The following IPO11 variants were observed in gnomAD, a reference collection of about 807,000 sequenced individuals.
IPO11 encodes the protein importin 11, also known as importin-11.
IPO11 carries 66 observed loss-of-function variants against 143.2 expected under a neutral mutation model. The ratio of observed to expected loss-of-function variants is 0.46; its 90% CI spans 0.38 to 0.57. IPO11 has a LOEUF of 0.57. Among genes scored for constraint, IPO11 ranks in the 20% least tolerant of loss-of-function variants. The pLI is 0.00. For synonymous variants in IPO11, 385 were observed against 377.8 expected, an observed-to-expected ratio of 1.02 and a Z score of -0.22; for missense variants, 1,026 against 1,141.0, an observed-to-expected ratio of 0.90 and a Z score of 1.45.
chr5:62,525,462 C>A (rs1330501703), intron 20 of IPO11, among the ~76,000 whole-genome samples: 1 of 151,694 alleles, frequency 6.6e-6, no homozygotes, highest in African/African-American at 2.4e-5. Flanking sequence ...TCACTGACTG[C>A]AGCCTTGAAT....
intron 1 of IPO11, among the ~76,000 whole-genome samples, chr5:62,415,067 A>G (rs185324582): frequency 3.1e-4 from 47 of 152,336 alleles, no homozygotes; most frequent in Non-Finnish European, 4.6e-4. Flanking sequence ...TGTTCATTCA[A>G]TAACAAACGT....
chr5:62,477,120 A>C (rs1460017725), intron 9 of IPO11, among the ~76,000 whole-genome samples: 1 of 152,234 alleles, frequency 6.6e-6, no homozygotes, highest in Non-Finnish European at 1.5e-5. Flanking sequence ...AAGTCAGTAT[A>C]TTCAGAATGA....
chr5:62,424,870 G>A (rs2112103624), intron 1 of IPO11, among the ~76,000 whole-genome samples: 1 of 152,170 alleles, frequency 6.6e-6, no homozygotes, highest in South Asian at 2.1e-4. Flanking sequence ...GCTAGACATT[G>A]CCTTTATTAT....
At chr5:62,418,064 C>T (rs1279594545) in intron 1 of IPO11, among the ~76,000 whole-genome samples, 1 of 152,200 alleles carries the variant, frequency 6.6e-6, no homozygotes, top group Non-Finnish European at 1.5e-5. Context: ...AATCTCGTCT[C>T]ACCGCAACCT....
At chr5:62,419,213 C>T (rs152208) in intron 1 of IPO11, 594,017 of 1,428,150 alleles carry the variant, frequency 0.42, 124,187 homozygotes, top group East Asian at 0.6. Context: ...TACATCTGTA[C>T]AGGGCACTTA....
intron 27 of IPO11, among the ~76,000 whole-genome samples, chr5:62,567,605 C>T (rs531019765): frequency 8.9e-4 from 130 of 145,252 alleles, no homozygotes; most frequent in African/African-American, 3.2e-3. Flanking sequence ...TCTTGTTGCC[C>T]AGGCTGCAGT....
At chr5:62,418,155 C>T (rs1743369171) in intron 1 of IPO11, among the ~76,000 whole-genome samples, 1 of 146,840 alleles carries the variant, frequency 6.8e-6, no homozygotes, top group Non-Finnish European at 1.5e-5. Flanking sequence ...CATGCCCACG[C>T]CTGCCTAGTT....
In IPO11 at chr5:62,601,790, A is replaced by G; in HGVS notation, c.2705A>G (p.Glu902Gly). 6.3e-7 allele frequency: 1 copy of G among 1,593,072 alleles called. No homozygotes were observed. The highest frequency in any genetic ancestry group is 8.6e-7 in the Non-Finnish European group (1 of 1,169,348). Residue 902 changes from glutamate to glycine, a missense_variant, in exon 29 of 30, where the codon GAA becomes GGA. Physicochemically the swap from Glu to Gly is moderately conservative, Grantham distance 98 (BLOSUM62 -2). This residue lies in a region of IPO11 where 351 missense variants were observed against 358.9 expected (regional missense o/e 0.98). Coordinates refer to ENST00000325324, the MANE Select transcript of IPO11 (RefSeq NM_016338.5). ...TGTATGTTGATGTCTCATCTTGAGG[A>G]ACCAAAAGTAACAGAAGATGAAGAA... is the stretch of plus-strand genomic sequence containing the variant. ...KDCMLMSHLE[E>G]PKVTEDEEPP...
intron 29 of IPO11, among the ~76,000 whole-genome samples, chr5:62,607,456 A>G (rs915362275): frequency 6.6e-6 from 1 of 152,094 alleles, no homozygotes; most frequent in Non-Finnish European, 1.5e-5. Flanking sequence ...TTGCTTCTAG[A>G]AAACCTCAGC....
chr5:62,581,115 A>C lies in IPO11; in HGVS notation c.2583-10462A>C, dbSNP rs1478842962. Reference sequence around the variant, plus strand: ...AGTTTAAACAAAAACTAAAGGCATCAGAAAACTCAAGGGAAAATAGACTTG... The same window carrying C: ...AGTTTAAACAAAAACTAAAGGCATCCGAAAACTCAAGGGAAAATAGACTTG... On this transcript the variant is annotated intron_variant, in intron 27 of 29. Transcript: ENST00000325324. The C allele has an allele frequency of 2.6e-6, 4 of 1,549,706 alleles. No homozygotes were observed. In the South Asian group the frequency reaches 4.8e-5, roughly 19 times the overall value.
chr5:62,439,955 C>T (rs1022965550), intron 2 of IPO11, among the ~76,000 whole-genome samples: 3 of 152,160 alleles, frequency 2.0e-5, no homozygotes, highest in Non-Finnish European at 2.9e-5. Flanking sequence ...ACATCTGCAG[C>T]TTGACTTTTC....
intron 1 of IPO11, among the ~76,000 whole-genome samples, chr5:62,430,486 A>C (rs1743943467): frequency 6.6e-6 from 1 of 151,488 alleles, no homozygotes; most frequent in Non-Finnish European, 1.5e-5. Flanking sequence ...ACACCTGACT[A>C]ACTTTTTCTA....
At chr5:62,568,282 T>G (rs528352994) in intron 27 of IPO11, among the ~76,000 whole-genome samples, 2 of 151,978 alleles carry the variant, frequency 1.3e-5, no homozygotes, top group East Asian at 3.9e-4. Flanking sequence ...TTTTCAAATA[T>G]TCTGTCTTCT....
chr5:62,609,837 G>A lies in IPO11; in HGVS notation c.2763+7989G>A, dbSNP rs375473155. ...CCTAATGTCCAGCAGGTGACTGCAA[G>A]GGTTGCTTCTGAAAATGAGGTTCTA... On this transcript the variant is annotated intron_variant, in intron 29 of 29. Coordinates refer to ENST00000325324, the MANE Select transcript of IPO11 (RefSeq NM_016338.5). Among the ~76,000 whole-genome samples the A allele has an allele frequency of 4.0e-3, 602 of 152,340 alleles. 2 individuals carry two copies. Among genetic ancestry groups the A allele is most frequent in the African/African-American group, 0.012 (482 of 41,586 alleles).
At chr5:62,435,086 A>G (rs1380117413) in intron 1 of IPO11, among the ~76,000 whole-genome samples, 1 of 89,542 alleles carries the variant, frequency 1.1e-5, no homozygotes, top group Non-Finnish European at 2.2e-5. Context: ...ATATATGTGT[A>G]TATATGTATA....
At chr5:62,450,224 G>T (rs927798161) in intron 4 of IPO11, among the ~76,000 whole-genome samples, 2 of 152,046 alleles carry the variant, frequency 1.3e-5, no homozygotes, top group Non-Finnish European at 2.9e-5. Context: ...AGGTATATTT[G>T]TATGCTTTTC....
intron 19 of IPO11, among the ~76,000 whole-genome samples, chr5:62,513,201 G>T (rs1274924677): frequency 6.5e-4 from 98 of 151,810 alleles, no homozygotes; most frequent in African/African-American, 2.3e-3. Context: ...CGGGTGGCTG[G>T]CCAGGCGGGG....
intron 20 of IPO11, among the ~76,000 whole-genome samples, chr5:62,520,371 A>G (rs896630419): frequency 1.3e-5 from 2 of 150,002 alleles, no homozygotes. Context: ...AAGAGATACG[A>G]CAGATTTTTT....
intron 27 of IPO11, among the ~76,000 whole-genome samples, chr5:62,565,194 C>A (rs1305074188): frequency 6.6e-6 from 1 of 152,088 alleles, no homozygotes; most frequent in Non-Finnish European, 1.5e-5. Flanking sequence ...AAAGAAATAA[C>A]CAAATTCAGG....
Sources: gnomAD v4.1 joint callset for allele counts (sites outside exome capture counted in the v4.1 genomes callset) on GRCh38, gnomAD v4.1.1 for gene constraint, gnomAD v4.1.1 regional missense constraint, MANE v1.5 for transcripts, NCBI Gene and HGNC (gene_info 2026-07-23, HGNC 2026-07-21) for gene names.